Variants in SIK3 observed in about 807,000 individuals in gnomAD.
The protein encoded by SIK3 is SIK family kinase 3.
SIK3 carries 28 observed loss-of-function variants against 144.2 expected under a neutral mutation model. That is an observed-to-expected ratio of 0.19 (90% confidence interval 0.14 to 0.27). The LOEUF (loss-of-function observed/expected upper bound fraction) is 0.27. SIK3 is among the 10% of genes least tolerant of loss of function. SIK3 has a pLI of 1.00. For missense variants in SIK3, 1,319 were observed against 1,776.0 expected, an observed-to-expected ratio of 0.74 and a Z score of 4.62; for synonymous variants, 686 against 676.3, an observed-to-expected ratio of 1.01 and a Z score of -0.22.
At chr11:116,955,888 C>T (rs1276683813) in intron 2 of SIK3, among the ~76,000 whole-genome samples, 2 of 151,594 alleles carry the variant, frequency 1.3e-5, no homozygotes, top group Admixed American at 1.3e-4. Flanking sequence ...GTAGTTTTAA[C>T]CACACATGTT....
At chr11:116,948,231 C>T (rs1054771556) in intron 3 of SIK3, among the ~76,000 whole-genome samples, 1 of 151,992 alleles carries the variant, frequency 6.6e-6, no homozygotes, top group African/African-American at 2.4e-5. Flanking sequence ...AGCCACCAAG[C>T]CCAGCTGATT....
intron 4 of SIK3, among the ~76,000 whole-genome samples, chr11:116,899,301 T>G (rs1489007981): frequency 6.6e-6 from 1 of 152,004 alleles, no homozygotes; most frequent in Non-Finnish European, 1.5e-5. Context: ...GCGTTATTTC[T>G]GAGGGCTCTG....
chr11:116,894,765 G>T (rs371610850), intron 6 of SIK3, among the ~76,000 whole-genome samples: 1 of 152,158 alleles, frequency 6.6e-6, no homozygotes, highest in Non-Finnish European at 1.5e-5. Flanking sequence ...ACACATGGTA[G>T]GTAGCATCTC....
intron 1 of SIK3, among the ~76,000 whole-genome samples, chr11:117,014,535 C>T (rs948428314): frequency 1.3e-5 from 2 of 151,530 alleles, no homozygotes; most frequent in African/African-American, 4.9e-5. Context: ...AGGGAAAAGA[C>T]AAGCTACAGA....
intron 1 of SIK3, among the ~76,000 whole-genome samples, chr11:117,075,166 C>T (rs78402334): frequency 6.6e-6 from 1 of 152,188 alleles, no homozygotes; most frequent in East Asian, 1.9e-4. Flanking sequence ...ATAATATCAA[C>T]TGCCCCTGGG....
At chr11:116,888,119 A>G (rs1235527535) in intron 6 of SIK3, among the ~76,000 whole-genome samples, 1 of 152,238 alleles carries the variant, frequency 6.6e-6, no homozygotes, top group Admixed American at 6.5e-5. Flanking sequence ...CTTGGCTAGA[A>G]GCAGCTACAT....
intron 1 of SIK3, among the ~76,000 whole-genome samples, chr11:116,979,225 C>T (rs1950056921): frequency 6.6e-6 from 1 of 152,096 alleles, no homozygotes; most frequent in Admixed American, 6.5e-5. Flanking sequence ...CAGTTCCTTG[C>T]CATTTTAATT....
intron 1 of SIK3, among the ~76,000 whole-genome samples, chr11:117,097,605 G>A (rs1955534312): frequency 6.6e-6 from 1 of 152,096 alleles, no homozygotes; most frequent in African/African-American, 2.4e-5. Flanking sequence ...TCCTGTCTCT[G>A]TCTTAAGGCA....
At chr11:116,967,852 C>T (rs544906590) in intron 1 of SIK3, among the ~76,000 whole-genome samples, 15 of 152,160 alleles carry the variant, frequency 9.9e-5, no homozygotes, top group Admixed American at 6.5e-5. Flanking sequence ...AACATGGCAC[C>T]AACTACCTTC....
At chr11:116,990,828 A>C (rs1461840409) in intron 1 of SIK3, among the ~76,000 whole-genome samples, 2 of 152,166 alleles carry the variant, frequency 1.3e-5, no homozygotes, top group Non-Finnish European at 2.9e-5. Context: ...TAACTTCCTA[A>C]TTAATCTACT....
intron 6 of SIK3, among the ~76,000 whole-genome samples, chr11:116,881,615 G>A (rs972504275): frequency 5.9e-5 from 9 of 152,028 alleles, no homozygotes; most frequent in African/African-American, 2.2e-4. Flanking sequence ...ATTCTTGGGA[G>A]ATAAGTCTTC....
intron 1 of SIK3, among the ~76,000 whole-genome samples, chr11:116,984,226 G>A (rs1950251023): frequency 6.6e-6 from 1 of 152,018 alleles, no homozygotes; most frequent in South Asian, 2.1e-4. Context: ...CCAAAAAGAT[G>A]ACAGCCAAAC....
chr11:116,897,056 A>G (rs1278396882), intron 5 of SIK3, 137 bp downstream of exon 5: 2 of 787,632 alleles, frequency 2.5e-6, no homozygotes, highest in Non-Finnish European at 3.8e-6. Context: ...GGCTTTGCAC[A>G]GGAATTGGGA....
In SIK3 at chr11:116,874,370, T is replaced by C. The variant is rs539676084; in HGVS notation, c.1428-314A>G. ...TCAAATCCTGGAGGTGAACACCAAG[T>C]TTCTGGAGAACATGGGCCATCCACT... On this transcript the variant is annotated intron_variant, in intron 11 of 24. Transcript: ENST00000445177. Among the ~76,000 whole-genome samples, 12 of 152,306 alleles carry C rather than the reference T, an allele frequency of 7.9e-5. No individual in the cohort carries two copies. In the South Asian group the frequency reaches 2.5e-3, roughly 32 times the overall value.
At chr11:116,929,045 C>T (rs1438453795) in intron 3 of SIK3, among the ~76,000 whole-genome samples, 2 of 152,100 alleles carry the variant, frequency 1.3e-5, no homozygotes, top group Non-Finnish European at 1.5e-5. Context: ...TTTAGGCTTC[C>T]GGTGAGGTCT....
chr11:117,078,251 G>C (rs1237378933), intron 1 of SIK3, among the ~76,000 whole-genome samples: 1 of 152,150 alleles, frequency 6.6e-6, no homozygotes, highest in Non-Finnish European at 1.5e-5. Context: ...ACAGAGAAAG[G>C]AGGCTACACT....
intron 6 of SIK3, among the ~76,000 whole-genome samples, chr11:116,886,244 T>A (rs558153920): frequency 6.6e-6 from 1 of 152,234 alleles, no homozygotes; most frequent in Non-Finnish European, 1.5e-5. Context: ...AAGCACTACA[T>A]AGATTTTTCT....
rs1476005496 is a variant in SIK3, at chr11:116,846,347, C to A, written c.*13+36G>T. 6.3e-7 allele frequency: 1 copy of A among 1,599,424 alleles called. No homozygotes were observed. The highest frequency in any genetic ancestry group is 8.5e-7 in the Non-Finnish European group (1 of 1,171,870). Reference sequence around the variant, plus strand: ...GGGATTGGGAGCAGGCACTGGGCCACAGGGCTGGTTTGGCTCTGGCCAGGG... The same window carrying A: ...GGGATTGGGAGCAGGCACTGGGCCAAAGGGCTGGTTTGGCTCTGGCCAGGG... On this transcript the variant is annotated intron_variant, in intron 24 of 24. Coordinates refer to ENST00000445177, the MANE Select transcript of SIK3 (RefSeq NM_001366686.3). This position sits in a 1 kb window ranked among gnomAD's most constrained non-coding sequence, Gnocchi z 4.1.
chr11:117,015,271 TTTTAA>T (rs1291361424), intron 1 of SIK3, among the ~76,000 whole-genome samples: 4 of 152,068 alleles, frequency 2.6e-5, no homozygotes, highest in South Asian at 2.1e-4. Context: ...CATTAGGAAT[TTTTAA>T]TTTAATTATT....
Sources: gnomAD v4.1 joint callset for allele counts (sites outside exome capture counted in the v4.1 genomes callset) on GRCh38, gnomAD v4.1.1 for gene constraint, Gnocchi (gnomAD v3.1) non-coding constraint, MANE v1.5 for transcripts, NCBI Gene and HGNC (gene_info 2026-07-23, HGNC 2026-07-21) for gene names.